Variants in PTPRT observed in about 807,000 individuals in gnomAD.
The protein encoded by PTPRT is protein tyrosine phosphatase receptor type T.
In PTPRT, 56 loss-of-function variants were observed where a neutral mutation model predicts 176.8. That is an observed-to-expected ratio of 0.32 (90% CI 0.26 to 0.40). The LOEUF (loss-of-function observed/expected upper bound fraction) is 0.40. Among genes scored for constraint, PTPRT ranks in the 10% least tolerant of loss-of-function variants. The probability of loss-of-function intolerance (pLI) is 1.00; values close to 1 mark genes in which losing one functional copy is unlikely to be tolerated. For missense variants in PTPRT, 1,540 were observed against 1,908.2 expected (o/e 0.81, Z 3.60); for synonymous variants, 783 against 739.0 (o/e 1.06, Z -0.96).
intron 1 of PTPRT, among the ~76,000 whole-genome samples, chr20:42,890,928 G>C (rs988624601): frequency 1.3e-5 from 2 of 152,176 alleles, no homozygotes; most frequent in African/African-American, 4.8e-5. Flanking sequence ...AGTCTCGCAA[G>C]ATCTGATGAT....
chr20:42,072,270 C>T (rs986237518), downstream of PTPRT, among the ~76,000 whole-genome samples: 2 of 152,224 alleles, frequency 1.3e-5, no homozygotes, highest in Non-Finnish European at 2.9e-5. Context: ...TTAGCCAACA[C>T]ATGAATGAGC....
chr20:42,717,892 C>T lies in PTPRT; in HGVS notation c.859+38570G>A, dbSNP rs544417356. On this transcript the variant is annotated intron_variant, in intron 6 of 30. Coordinates refer to ENST00000373187, the MANE Select transcript of PTPRT (RefSeq NM_007050.6). ...CTGTGTGTGTGTGTGTGTGTGCATG[C>T]GCGTGCACACGCGCATATGTAAAGG... is the stretch of plus-strand genomic sequence containing the variant. 5.4e-5 allele frequency among the ~76,000 whole-genome samples: 8 copies of T among 148,378 alleles called. No homozygotes were observed. In the East Asian group the frequency reaches 6.1e-4, roughly 11 times the overall value.
rs113620219 is a variant in PTPRT at position 42,127,400 on chromosome 20, C to G, written c.2847+1354G>C. 7.6e-3 allele frequency among the ~76,000 whole-genome samples: 1,151 copies of G among 152,224 alleles called. 13 individuals are homozygous for G. Among genetic ancestry groups the G allele is most frequent in the African/African-American group, 0.026 (1,096 of 41,544 alleles). On this transcript the variant is annotated intron_variant, in intron 19 of 30. Coordinates refer to ENST00000373187, the MANE Select transcript of PTPRT (RefSeq NM_007050.6). ...TGTCTGTCTGTCTGTCTGTCTCTCT[C>G]TCTTTCTCTCTCTCTCTCACACACA...
At chr20:42,304,376 A>G (rs960696049) in intron 12 of PTPRT, among the ~76,000 whole-genome samples, 2 of 152,122 alleles carry the variant, frequency 1.3e-5, no homozygotes, top group African/African-American at 4.8e-5. Flanking sequence ...GTGATATGTA[A>G]TAGCAATATC....
At chr20:42,934,071 G>A (rs1470702935) in intron 1 of PTPRT, among the ~76,000 whole-genome samples, 37 of 152,202 alleles carry the variant, frequency 2.4e-4, no homozygotes, top group Admixed American at 2.4e-3. Flanking sequence ...AGTGACACAC[G>A]TTGGAATTAT....
chr20:42,220,743 C>A (rs1210177864), intron 15 of PTPRT, among the ~76,000 whole-genome samples: 2 of 152,094 alleles, frequency 1.3e-5, no homozygotes, highest in East Asian at 1.9e-4. Context: ...CAAGGTACAA[C>A]CCTTTTTATA....
chr20:43,063,118 C>G (rs965487000), intron 1 of PTPRT, among the ~76,000 whole-genome samples: 5 of 152,034 alleles, frequency 3.3e-5, no homozygotes, highest in South Asian at 2.1e-4. Context: ...TTTCAGGGTT[C>G]TTGGTGGAAC....
intron 6 of PTPRT, among the ~76,000 whole-genome samples, chr20:42,732,485 G>C (rs2076475908): frequency 6.6e-6 from 1 of 152,218 alleles, no homozygotes. Context: ...AAGAAGGAAT[G>C]TTCATTTCTG....
At chr20:42,805,151 T>C (rs1490728174) in intron 2 of PTPRT, among the ~76,000 whole-genome samples, 2 of 152,082 alleles carry the variant, frequency 1.3e-5, no homozygotes, top group African/African-American at 4.8e-5. Context: ...TATAAAACAA[T>C]ACATGGGGAA....
chr20:43,116,056 T>C (rs1388336460), intron 1 of PTPRT, among the ~76,000 whole-genome samples: 1 of 152,234 alleles, frequency 6.6e-6, no homozygotes, highest in Non-Finnish European at 1.5e-5. Context: ...TAATTGATCC[T>C]TGCAGGGGAC....
chr20:42,248,854 G>A, intron 13 of PTPRT, 32 bp from the exon 14 acceptor site: 1 of 1,609,094 alleles, frequency 6.2e-7, no homozygotes, highest in Non-Finnish European at 8.5e-7. Flanking sequence ...TAGCAATGTT[G>A]AAAGCACCCA....
chr20:43,146,620 CA>C (rs1214542078), intron 1 of PTPRT, among the ~76,000 whole-genome samples: 1 of 151,758 alleles, frequency 6.6e-6, no homozygotes, highest in East Asian at 1.9e-4. Context: ...GGTGTAGAAA[CA>C]AACATGATGT....
chr20:43,102,755 G>C (rs1418090389), intron 1 of PTPRT, among the ~76,000 whole-genome samples: 1 of 152,140 alleles, frequency 6.6e-6, no homozygotes, highest in South Asian at 2.1e-4. Flanking sequence ...CCTATGGCAG[G>C]AGCCCCTGGT....
chr20:42,681,409 G>T (rs561232769), intron 6 of PTPRT, among the ~76,000 whole-genome samples: 43 of 152,292 alleles, frequency 2.8e-4, no homozygotes, highest in African/African-American at 1.0e-3. Context: ...TGAAGCCTGT[G>T]AAAGGACCCA....
chr20:43,160,310 T>C (rs1184021999), intron 1 of PTPRT, among the ~76,000 whole-genome samples: 1 of 152,228 alleles, frequency 6.6e-6, no homozygotes, highest in African/African-American at 2.4e-5. Context: ...GGACCAGGCT[T>C]GGTTACTGAC....
At chr20:42,658,038 T>C (rs991887663) in intron 7 of PTPRT, among the ~76,000 whole-genome samples, 1 of 152,132 alleles carries the variant, frequency 6.6e-6, no homozygotes, top group Non-Finnish European at 1.5e-5. Flanking sequence ...CAAATGTATG[T>C]CTCTATCACT....
At chr20:43,014,061 T>G (rs539252573) in intron 1 of PTPRT, among the ~76,000 whole-genome samples, 32 of 152,324 alleles carry the variant, frequency 2.1e-4, no homozygotes, top group African/African-American at 7.2e-4. Flanking sequence ...CTGGATACAT[T>G]CCCTTCCGTC....
chr20:42,185,273 C>T (rs1361540781), intron 16 of PTPRT, among the ~76,000 whole-genome samples: 1 of 152,140 alleles, frequency 6.6e-6, no homozygotes, highest in Non-Finnish European at 1.5e-5. Flanking sequence ...GTTATATATG[C>T]TTCTTTCCTT....
intron 7 of PTPRT, among the ~76,000 whole-genome samples, chr20:42,562,383 T>C (rs1232960354): frequency 6.6e-6 from 1 of 152,218 alleles, no homozygotes; most frequent in East Asian, 1.9e-4. Context: ...CAGCTTTGTT[T>C]GTTCAACATA....
Sources: gnomAD v4.1 joint callset for allele counts (sites outside exome capture counted in the v4.1 genomes callset) on GRCh38, gnomAD v4.1.1 for gene constraint, MANE v1.5 for transcripts, NCBI Gene and HGNC (gene_info 2026-07-23, HGNC 2026-07-21) for gene names.